The following DZANK1 variants were observed in gnomAD, a reference collection of about 807,000 sequenced individuals.
DZANK1 encodes double zinc ribbon and ankyrin repeat-containing protein 1.
Under a neutral mutation model 94.5 loss-of-function variants are expected in DZANK1, and 91 were observed. That is an observed-to-expected ratio of 0.96 (90% CI 0.81 to 1.15). The LOEUF (loss-of-function observed/expected upper bound fraction) is 1.15, where lower values mean the gene tolerates loss of function less well. Ranked by LOEUF, DZANK1 falls within the 50% of genes most tolerant of loss-of-function variation. The pLI is 0.00. For missense variants in DZANK1, 903 were observed against 916.4 expected, an observed-to-expected ratio of 0.99 and a Z score of 0.19; for synonymous variants, 312 against 325.3, an observed-to-expected ratio of 0.96 and a Z score of 0.44.
At chr20:18,462,631 C>A (rs1335260264) in intron 2 of DZANK1, among the ~76,000 whole-genome samples, 2 of 152,128 alleles carry the variant, frequency 1.3e-5, no homozygotes, top group Non-Finnish European at 2.9e-5. Context: ...AAAAGGGACA[C>A]TTATACACTA....
At chr20:18,442,447 T>C (rs2058742972) in intron 8 of DZANK1, among the ~76,000 whole-genome samples, 1 of 152,236 alleles carries the variant, frequency 6.6e-6, no homozygotes, top group Non-Finnish European at 1.5e-5. Context: ...TGTTTTTATT[T>C]AAAATCGACT....
chr20:18,423,098 C>T (rs971574021), intron 10 of DZANK1, among the ~76,000 whole-genome samples: 1 of 152,072 alleles, frequency 6.6e-6, no homozygotes, highest in African/African-American at 2.4e-5. Flanking sequence ...AGCCAAAAAC[C>T]TCTATCACCT....
chr20:18,398,348 T>C (rs1223053037), intron 14 of DZANK1, 175 bp downstream of exon 14: 4 of 594,792 alleles, frequency 6.7e-6, no homozygotes, highest in Non-Finnish European at 1.2e-5. Context: ...ACAATATTCA[T>C]GTGCAAGTGA....
rs1454342712 is a variant in DZANK1 at position 18,441,602 on chromosome 20, C to T, written c.747+1745G>A. ...TGGAAGAGGCACTTACTTTGCCCCA[C>T]ATCCAAGGCTGAAATCAGACTTCAT... On this transcript the variant is annotated intron_variant, in intron 8 of 20. Transcript: ENST00000262547. The surrounding 1 kb of genome is among the most constrained non-coding windows in gnomAD (Gnocchi z 4.1). Among the ~76,000 whole-genome samples, 1 of 152,224 alleles carries T rather than the reference C, an allele frequency of 6.6e-6. No homozygotes were observed. Among genetic ancestry groups the T allele is most frequent in the Non-Finnish European group, 1.5e-5 (1 of 68,040 alleles).
intron 6 of DZANK1, among the ~76,000 whole-genome samples, chr20:18,450,072 C>T (rs531215638): frequency 1.1e-3 from 153 of 138,600 alleles, no homozygotes; most frequent in Non-Finnish European, 1.2e-3. Flanking sequence ...AGTGAAACTC[C>T]GTCTCAAATA....
chr20:18,410,604 T>A (rs1218638864), intron 13 of DZANK1, among the ~76,000 whole-genome samples: 1 of 151,550 alleles, frequency 6.6e-6, no homozygotes, highest in East Asian at 1.9e-4. Context: ...GATGAAACAA[T>A]CCAATTTAAA....
chr20:18,431,970 T>C (rs967375134), intron 9 of DZANK1, among the ~76,000 whole-genome samples: 1 of 152,244 alleles, frequency 6.6e-6, no homozygotes, highest in African/African-American at 2.4e-5. Context: ...TAACTTATTA[T>C]GTCATAAAAA....
chr20:18,452,752 TA>T lies in DZANK1; in HGVS notation c.476-71del, dbSNP rs1446127199. ...CCTACCTGGACGTCTACAATGATAT[TA>T]AAAACATTATTCTTTGAGCATCTGT... On this transcript the variant is annotated intron_variant, in intron 5 of 20. Transcript: ENST00000262547. 5.2e-6 allele frequency: 8 copies of T among 1,546,006 alleles called. No individual in the cohort carries two copies. Among genetic ancestry groups the T allele is most frequent in the Middle Eastern group, 1.7e-4 (1 of 5,760 alleles).
exon 16 of DZANK1, chr20:18,394,306 C>G (rs749449313): frequency 1.3e-5 from 21 of 1,613,758 alleles, no homozygotes; most frequent in Middle Eastern, 1.6e-4. Flanking sequence ...CAGCACTGCT[C>G]AGAAGGTGAT....
rs541960590 is a variant in DZANK1, at chr20:18,451,135, G to A, written c.543+1480C>T. 3.9e-5 allele frequency among the ~76,000 whole-genome samples: 6 copies of A among 152,096 alleles called. No individual in the cohort carries two copies. The East Asian group carries it at 9.7e-4, about 25-fold the overall frequency. On this transcript the variant is annotated intron_variant, in intron 6 of 20. Transcript: ENST00000262547. The stretch of plus-strand genomic sequence containing the variant: ...TAATTTTTGTATTTTCAGTAGAGAC[G>A]GGGTTTCACCATATTGGCCAGGCTG...
chr20:18,389,613 T>A, intron 19 of DZANK1, 88 bp downstream of exon 19: 1 of 1,514,044 alleles, frequency 6.6e-7, no homozygotes, highest in Non-Finnish European at 9.0e-7. Flanking sequence ...CTGAACAGGG[T>A]GTGTGTGTAG....
chr20:18,440,705 AG>A (rs1289335161), intron 8 of DZANK1, among the ~76,000 whole-genome samples: 1 of 152,192 alleles, frequency 6.6e-6, no homozygotes, highest in East Asian at 1.9e-4. Flanking sequence ...AAGAAAACGA[AG>A]GCTGGTATCC....
At chr20:18,403,067 T>TA (rs1160986493) in intron 13 of DZANK1, among the ~76,000 whole-genome samples, 1 of 152,134 alleles carries the variant, frequency 6.6e-6, no homozygotes, top group African/African-American at 2.4e-5. Flanking sequence ...CAAAGGGGTG[T>TA]AGTATCTTCC....
intron 19 of DZANK1, among the ~76,000 whole-genome samples, chr20:18,387,564 C>T (rs953305105): frequency 2.0e-5 from 3 of 152,166 alleles, no homozygotes; most frequent in East Asian, 1.9e-4. Context: ...TGTTTGGAAT[C>T]GCCAATGCAG....
chr20:18,422,032 T>C (rs185675239), intron 10 of DZANK1, among the ~76,000 whole-genome samples: 1 of 152,386 alleles, frequency 6.6e-6, no homozygotes, highest in African/African-American at 2.4e-5. Context: ...GTGTTCATTG[T>C]TTCCTTTGCT....
intron 13 of DZANK1, among the ~76,000 whole-genome samples, chr20:18,411,654 A>T (rs1438216577): frequency 1.3e-5 from 2 of 152,246 alleles, no homozygotes; most frequent in Non-Finnish European, 2.9e-5. Context: ...AGAAGGAAAG[A>T]AGAAAACTGC....
At chr20:18,458,215 T>C (rs1036627129) in intron 3 of DZANK1, among the ~76,000 whole-genome samples, 6 of 152,266 alleles carry the variant, frequency 3.9e-5, no homozygotes, top group African/African-American at 1.4e-4. Context: ...TCAACTTTTA[T>C]ATTTCTTAAA....
In DZANK1 at chr20:18,389,836, A is replaced by G. The variant is rs769693437; in HGVS notation, c.1891-8T>C. ...GCAGTTGGGGTCTGCTCCCTGCAGC[A>G]AACGGAAAAGGACAAACTCTCCAAA... On this transcript the variant is annotated splice_polypyrimidine_tract_variant and splice_region_variant and intron_variant, in intron 18 of 20. Coordinates refer to ENST00000262547, the Ensembl canonical transcript of DZANK1. The G allele has an allele frequency of 1.2e-6, 2 of 1,613,858 alleles. No homozygotes were observed. Among genetic ancestry groups the G allele is most frequent in the Non-Finnish European group, 1.7e-6 (2 of 1,179,782 alleles).
chr20:18,447,483 C>T lies in DZANK1; in HGVS notation c.629+1501G>A, dbSNP rs982125521. On this transcript the variant is annotated intron_variant, in intron 7 of 20. Transcript: ENST00000262547. ...CTGGGATTACAGGCGCCCACCACCA[C>T]GCACAGCTAATTTTTTGTATTTTTA... Among the ~76,000 whole-genome samples, 4 of 141,540 alleles carry T rather than the reference C, an allele frequency of 2.8e-5. No individual in the cohort carries two copies. In the East Asian group the frequency reaches 6.1e-4, roughly 21 times the overall value. The allele number at this position is 141,540 out of a possible 152,430, so 92.9% of individuals were successfully genotyped here.
Sources: allele counts gnomAD v4.1 joint callset (sites outside exome capture counted in the v4.1 genomes callset), GRCh38; gene constraint gnomAD v4.1.1; non-coding constraint Gnocchi (gnomAD v3.1); transcripts MANE v1.5; gene names NCBI Gene and HGNC (gene_info 2026-07-23, HGNC 2026-07-21).